ITPK1: variants seen among roughly 807,000 people sequenced by gnomAD.
The protein encoded by ITPK1 is inositol 1,3,4-trisphosphate 5/6-kinase.
A neutral mutation model predicts 45.3 loss-of-function variants in ITPK1; 21 were observed. The ratio of observed to expected loss-of-function variants is 0.46; its 90% CI spans 0.33 to 0.67. The LOEUF (loss-of-function observed/expected upper bound fraction) is 0.67, where lower values mean the gene tolerates loss of function less well. Ranked by LOEUF, ITPK1 falls within the 30% of genes least tolerant of loss-of-function variation. ITPK1 has a pLI of 0.02. For missense variants in ITPK1, 474 were observed against 573.5 expected (o/e 0.83, Z 1.77); for synonymous variants, 258 against 253.6 (o/e 1.02, Z -0.16).
chr14:93,061,056 C>T (rs1360568695), intron 3 of ITPK1, among the ~76,000 whole-genome samples: 1 of 152,182 alleles, frequency 6.6e-6, no homozygotes, highest in Admixed American at 6.5e-5. Context: ...CTCCATACCA[C>T]TAGGGAATCA....
intron 5 of ITPK1, among the ~76,000 whole-genome samples, chr14:92,965,722 G>C (rs1027390756): frequency 2.0e-5 from 3 of 152,138 alleles, no homozygotes; most frequent in Admixed American, 2.0e-4. Context: ...TATATTTATG[G>C]GTCTGGCATG....
rs1035894540 is a variant in ITPK1, at chr14:93,012,269, T to C, written c.246+4407A>G. ...AGCCACTGATAAAGAATTACGAACT[T>C]CCGAAGGGCATGAAGGAAAAGTGCA... On this transcript the variant is annotated intron_variant, in intron 4 of 10. Transcript: ENST00000267615. This position sits in a 1 kb window ranked among gnomAD's most constrained non-coding sequence, Gnocchi z 4.9. Among the ~76,000 whole-genome samples, 1 of 152,068 alleles carries C rather than the reference T, an allele frequency of 6.6e-6. No homozygotes were observed. The highest frequency in any genetic ancestry group is 1.5e-5 in the Non-Finnish European group (1 of 67,992).
chr14:92,997,319 C>G (rs1472478979), intron 4 of ITPK1, among the ~76,000 whole-genome samples: 1 of 152,202 alleles, frequency 6.6e-6, no homozygotes, highest in African/African-American at 2.4e-5. Context: ...AGAGAGAACT[C>G]AGATTCATTA....
At position 93,115,059 on chromosome 14, in the gene ITPK1, C is replaced by G; in HGVS notation, c.95+10G>C. On this transcript the variant is annotated intron_variant, in intron 2 of 10. Transcript: ENST00000267615. ...GGGTCCCCGGGCGCCGGCGCCGCGT[C>G]CCTCCTTACCTGCACAGCTCGGCGA... The G allele has an allele frequency of 6.4e-7, 1 of 1,566,880 alleles. No homozygotes were observed.
At chr14:93,045,748 T>A (rs1159914274) in intron 3 of ITPK1, among the ~76,000 whole-genome samples, 1 of 152,052 alleles carries the variant, frequency 6.6e-6, no homozygotes, top group Non-Finnish European at 1.5e-5. Flanking sequence ...TAAGCTATAC[T>A]CTCTAATTCA....
chr14:92,982,053 A>G (rs930833861), intron 5 of ITPK1, among the ~76,000 whole-genome samples: 4 of 152,210 alleles, frequency 2.6e-5, no homozygotes, highest in African/African-American at 9.6e-5. Context: ...AGGAGAGGGA[A>G]TGGGCAGGGG....
At position 92,968,847 on chromosome 14, in the gene ITPK1, T is replaced by G. The variant is rs536805762; in HGVS notation, c.365-5998A>C. Among the ~76,000 whole-genome samples, 27 of 152,214 alleles carry G rather than the reference T, an allele frequency of 1.8e-4. No homozygotes were observed. The South Asian group carries it at 4.4e-3, about 25-fold the overall frequency. On this transcript the variant is annotated intron_variant, in intron 5 of 10. Coordinates refer to ENST00000267615, the MANE Select transcript of ITPK1 (RefSeq NM_014216.6). ...CTCTGGCGTGGGGTGGGGACTCAACTGAGACTCGCCCAGCCACACTGCTAG... is the reference window on the plus strand; with the variant it reads ...CTCTGGCGTGGGGTGGGGACTCAACGGAGACTCGCCCAGCCACACTGCTAG...
At chr14:92,943,799 C>T (rs1343089782) in intron 10 of ITPK1, among the ~76,000 whole-genome samples, 2 of 152,256 alleles carry the variant, frequency 1.3e-5, no homozygotes, top group Non-Finnish European at 2.9e-5. Flanking sequence ...TCTCCTCTGT[C>T]TGCAGGGTGG....
chr14:93,002,476 A>C (rs1200624062), intron 4 of ITPK1, among the ~76,000 whole-genome samples: 1 of 151,988 alleles, frequency 6.6e-6, no homozygotes, highest in African/African-American at 2.4e-5. Context: ...CCAGTCAAAG[A>C]CCCAAGGCAT....
intron 3 of ITPK1, among the ~76,000 whole-genome samples, chr14:93,031,222 G>A (rs772585830): frequency 2.6e-5 from 4 of 152,066 alleles, no homozygotes; most frequent in Non-Finnish European, 5.9e-5. Context: ...GAACTAAGAA[G>A]AAGGCAAGTG....
intron 4 of ITPK1, among the ~76,000 whole-genome samples, chr14:93,002,335 G>T (rs796756809): frequency 6.6e-6 from 1 of 152,162 alleles, no homozygotes; most frequent in East Asian, 1.9e-4. Flanking sequence ...GTGAGACCCT[G>T]TCTCAAAATA....
chr14:93,105,116 C>T (rs567663155), intron 2 of ITPK1, among the ~76,000 whole-genome samples: 8 of 152,304 alleles, frequency 5.3e-5, no homozygotes, highest in Middle Eastern at 3.4e-3. Context: ...GCTGGGCTGA[C>T]GACCTGGTGC....
intron 3 of ITPK1, among the ~76,000 whole-genome samples, chr14:93,062,225 C>T (rs1566763731): frequency 6.6e-6 from 1 of 151,884 alleles, no homozygotes; most frequent in Non-Finnish European, 1.5e-5. Context: ...GAGCCAAGAT[C>T]GAGCCATTGC....
At chr14:93,043,844 G>A (rs1187386564) in intron 3 of ITPK1, among the ~76,000 whole-genome samples, 2 of 152,072 alleles carry the variant, frequency 1.3e-5, no homozygotes, top group Admixed American at 6.6e-5. Context: ...CTCTCCTGCC[G>A]CCCACCTGAA....
chr14:93,000,227 G>A (rs1408087542), intron 4 of ITPK1, among the ~76,000 whole-genome samples: 3 of 152,128 alleles, frequency 2.0e-5, no homozygotes, highest in Non-Finnish European at 4.4e-5. Flanking sequence ...AAATTTTTGT[G>A]TCAACATACG....
chr14:92,982,255 A>G (rs567865442), intron 5 of ITPK1, among the ~76,000 whole-genome samples: 7 of 152,256 alleles, frequency 4.6e-5, no homozygotes, highest in Non-Finnish European at 8.8e-5. Context: ...AACTGCATGC[A>G]TGATGGATGG....
chr14:92,938,013 G>A lies in ITPK1; in HGVS notation c.*3548C>T. 5.7e-6 allele frequency: 1 copy of A among 174,850 alleles called. No individual in the cohort carries two copies. Among genetic ancestry groups the A allele is most frequent in the South Asian group, 1.4e-4 (1 of 7,358 alleles). The allele number at this position is 174,850 out of a possible 1,614,324, so 10.8% of individuals were successfully genotyped here. A position where few individuals can be genotyped will look rare whatever the true frequency, so the allele number is the denominator to read the frequency against. ...TCTTGCTCTGTTGCCAGGCTGGAGT[G>A]CAGTGGTGCGATCTTGGCTCACTGC... On this transcript the variant is annotated 3_prime_UTR_variant, in exon 11 of 11. Transcript: ENST00000267615.
chr14:93,089,599 A>C (rs1891788154), intron 2 of ITPK1, among the ~76,000 whole-genome samples: 2 of 152,178 alleles, frequency 1.3e-5, no homozygotes, highest in Admixed American at 1.3e-4. Context: ...AAAGGGTTCC[A>C]CCAATGAGAC....
chr14:93,114,603 G>A (rs1892865900), intron 2 of ITPK1, among the ~76,000 whole-genome samples: 1 of 152,216 alleles, frequency 6.6e-6, no homozygotes, highest in Non-Finnish European at 1.5e-5. Flanking sequence ...TGCAATGACA[G>A]CCTCAAGAGC....
Sources: allele counts gnomAD v4.1 joint callset (sites outside exome capture counted in the v4.1 genomes callset), GRCh38; gene constraint gnomAD v4.1.1; non-coding constraint Gnocchi (gnomAD v3.1); transcripts MANE v1.5; gene names NCBI Gene and HGNC (gene_info 2026-07-23, HGNC 2026-07-21).